The following KLF8 variants were observed in gnomAD, a reference collection of about 807,000 sequenced individuals.
KLF8 encodes the protein Krueppel-like factor 8.
KLF8 carries 10 observed loss-of-function variants against 18.2 expected under a neutral mutation model. The observed-to-expected ratio is 0.55, with a 90% confidence interval of 0.34 to 0.93. The LOEUF (loss-of-function observed/expected upper bound fraction) is 0.93. Ranked by LOEUF, KLF8 falls within the 40% of genes least tolerant of loss-of-function variation. The pLI is 0.02. For synonymous variants in KLF8, 109 were observed against 97.3 expected, an observed-to-expected ratio of 1.12 and a Z score of -0.71; for missense variants, 264 against 277.9, an observed-to-expected ratio of 0.95 and a Z score of 0.36.
the KLF8 span, among the ~76,000 whole-genome samples, chrX:55,965,869 C>G: frequency 8.9e-6 from 1 of 111,858 alleles, no homozygotes; most frequent in Non-Finnish European, 1.9e-5. Context: ...AAAACACTGC[C>G]TATTTTGGAC....
chrX:55,967,816 G>T, the KLF8 span, among the ~76,000 whole-genome samples: 13 of 111,607 alleles, frequency 1.2e-4, no homozygotes, highest in Non-Finnish European at 2.5e-4. Flanking sequence ...AACTTTTCAA[G>T]ACATAGACAG....
the KLF8 span, among the ~76,000 whole-genome samples, chrX:56,080,253 T>G: frequency 2.7e-5 from 3 of 111,383 alleles, no homozygotes; most frequent in Non-Finnish European, 5.7e-5. Flanking sequence ...TCGATGGTCT[T>G]TACATTTTGG....
the KLF8 span, among the ~76,000 whole-genome samples, chrX:56,204,130 T>C: frequency 6.6e-4 from 74 of 111,627 alleles, no homozygotes; most frequent in African/African-American, 2.3e-3. Flanking sequence ...TATAATAGAG[T>C]TTTCCCACTT....
chrX:55,996,223 G>A, the KLF8 span, among the ~76,000 whole-genome samples: 1 of 111,556 alleles, frequency 9.0e-6, no homozygotes, highest in Non-Finnish European at 1.9e-5. Context: ...AGATCAATTT[G>A]ATTCTTAAAG....
At chrX:55,990,510 T>G in the KLF8 span, among the ~76,000 whole-genome samples, 3 of 112,106 alleles carry the variant, frequency 2.7e-5, no homozygotes, top group African/African-American at 9.7e-5. Context: ...GTTGAGCAGT[T>G]TTGAGTGAGT....
the KLF8 span, among the ~76,000 whole-genome samples, chrX:56,018,377 A>G: frequency 1.8e-5 from 2 of 112,042 alleles, no homozygotes; most frequent in Non-Finnish European, 3.8e-5. Flanking sequence ...ATAAATAAAA[A>G]TATACTACTC....
chrX:56,058,279 CATATATATATATATATATATATATAT>C, the KLF8 span, among the ~76,000 whole-genome samples: 1 of 7,302 alleles, frequency 1.4e-4, no homozygotes, highest in Admixed American at 1.8e-3. Flanking sequence ...CATATATATA[CATATATATATATATATATATATATAT>C]ATATATATAT....
chrX:56,230,286 A>AATGT (rs1403210534), upstream of KLF8, among the ~76,000 whole-genome samples: 404 of 112,401 alleles, frequency 3.6e-3, 2 homozygotes, highest in Non-Finnish European at 6.7e-3. Flanking sequence ...TCTTTCACAC[A>AATGT]CTTGAATCTA....
the KLF8 span, among the ~76,000 whole-genome samples, chrX:56,178,761 T>G: frequency 8.9e-6 from 1 of 112,205 alleles, no homozygotes; most frequent in African/African-American, 3.2e-5. Context: ...CGTTTCTTGT[T>G]TTTGTCAGGT....
the KLF8 span, among the ~76,000 whole-genome samples, chrX:56,050,923 C>A: frequency 1.8e-5 from 2 of 108,805 alleles, no homozygotes; most frequent in African/African-American, 3.3e-5. Context: ...GTAGGTCACT[C>A]AGGACTTGCT....
chrX:56,256,923 G>A (rs1197371154), intron 2 of KLF8, among the ~76,000 whole-genome samples: 2 of 111,457 alleles, frequency 1.8e-5, no homozygotes, highest in Non-Finnish European at 3.8e-5. Context: ...GGCTGGTCTC[G>A]AACTCCCAAC....
At chrX:56,193,836 G>C in the KLF8 span, among the ~76,000 whole-genome samples, 1 of 111,644 alleles carries the variant, frequency 9.0e-6, no homozygotes, top group East Asian at 2.8e-4. Flanking sequence ...ATTCAGTGGT[G>C]TGGGGAAGTG....
chrX:56,202,767 T>C, the KLF8 span, among the ~76,000 whole-genome samples: 1 of 111,508 alleles, frequency 9.0e-6, no homozygotes, highest in Admixed American at 9.6e-5. Flanking sequence ...ATCATTCTTT[T>C]TGTGGCTGAA....
At chrX:56,199,729 T>G in the KLF8 span, among the ~76,000 whole-genome samples, 4 of 111,686 alleles carry the variant, frequency 3.6e-5, no homozygotes, top group Admixed American at 9.6e-5. Flanking sequence ...TTCCTTTATT[T>G]GATATATACC....
the KLF8 span, among the ~76,000 whole-genome samples, chrX:56,196,980 T>C: frequency 8.9e-6 from 1 of 112,038 alleles, no homozygotes; most frequent in Non-Finnish European, 1.9e-5. Context: ...CAGAACAACC[T>C]GCTCCTGAAT....
chrX:56,174,948 T>C, the KLF8 span, among the ~76,000 whole-genome samples: 3 of 112,064 alleles, frequency 2.7e-5, no homozygotes, highest in Non-Finnish European at 5.6e-5. Flanking sequence ...TGATATCCTG[T>C]TTGTCATTTT....
At chrX:56,144,420 A>G in the KLF8 span, among the ~76,000 whole-genome samples, 1 of 110,344 alleles carries the variant, frequency 9.1e-6, no homozygotes, top group Admixed American at 9.8e-5. Flanking sequence ...CAAATCATAT[A>G]CCTGATAAGG....
the KLF8 span, among the ~76,000 whole-genome samples, chrX:55,991,160 A>G: frequency 8.9e-6 from 1 of 111,824 alleles, no homozygotes; most frequent in Non-Finnish European, 1.9e-5. Flanking sequence ...ATCCATTTGG[A>G]GCTTCCTGGC....
chrX:55,961,744 C>T, the KLF8 span: 1 of 348,283 alleles, frequency 2.9e-6, no homozygotes, highest in South Asian at 3.2e-5. Context: ...GTTACTATGA[C>T]CCCAAGACTT....
Sources: allele counts gnomAD v4.1 joint callset (sites outside exome capture counted in the v4.1 genomes callset), GRCh38; gene constraint gnomAD v4.1.1; transcripts MANE v1.5; gene names NCBI Gene and HGNC (gene_info 2026-07-23, HGNC 2026-07-21).